PCDHA5: variants seen among roughly 807,000 people sequenced by gnomAD.
The protein encoded by PCDHA5 is protocadherin alpha-5.
A neutral mutation model predicts 61.6 loss-of-function variants in PCDHA5; 43 were observed. The observed-to-expected ratio is 0.70, with a 90% CI of 0.55 to 0.90. The LOEUF (loss-of-function observed/expected upper bound fraction) is 0.90. Among genes scored for constraint, PCDHA5 ranks in the 40% least tolerant of loss-of-function variants. The pLI, the probability that PCDHA5 is intolerant of heterozygous loss-of-function variation, is 0.00. For synonymous variants in PCDHA5, 627 were observed against 543.9 expected (o/e 1.15, Z -2.13); for missense variants, 1,298 against 1,222.7 (o/e 1.06, Z -0.92).
intron 1 of PCDHA5, chr5:140,851,395 A>G: frequency 1.0e-6 from 1 of 973,138 alleles, no homozygotes; most frequent in Non-Finnish European, 1.2e-6. Context: ...AGTATCTATT[A>G]TTTTAATAAG....
Position 140,822,039 on chromosome 5 carries a change from G to C in PCDHA5, c.264G>C (p.Arg88=), listed in dbSNP as rs2150113101. ...ATGGCATTTTGTTTGTGAATTCTCGGATCGACCGGGAGGAGCTGTGCCGGC... is the reference window on the plus strand; with the variant it reads ...ATGGCATTTTGTTTGTGAATTCTCGCATCGACCGGGAGGAGCTGTGCCGGC... ...LQNGILFVNS[R]IDREELCRRR... Residue 88 remains arginine, a synonymous_variant, in exon 1 of 4, where the codon CGG becomes CGC. Transcript: ENST00000529859. The C allele has an allele frequency of 1.2e-6, 2 of 1,614,106 alleles. No individual in the cohort carries two copies. The highest frequency in any genetic ancestry group is 2.7e-5 in the African/African-American group (2 of 74,948).
chr5:140,850,443 C>T, intron 1 of PCDHA5: 4 of 1,597,988 alleles, frequency 2.5e-6, no homozygotes, highest in Non-Finnish European at 3.4e-6. Flanking sequence ...CCTACTGGTG[C>T]TGGTGAAAGA....
intron 1 of PCDHA5, chr5:140,881,460 G>T: frequency 1.6e-6 from 1 of 637,280 alleles, no homozygotes; most frequent in Non-Finnish European, 2.0e-6. Flanking sequence ...AAACCTTAGA[G>T]CATTGTTGTG....
chr5:140,900,768 T>A (rs1554189412), intron 1 of PCDHA5, among the ~76,000 whole-genome samples: 2 of 152,192 alleles, frequency 1.3e-5, no homozygotes, highest in Non-Finnish European at 1.5e-5. Context: ...TATTTTTGGC[T>A]TTTTGAGGAA....
At chr5:140,865,173 T>C (rs1230117656) in intron 1 of PCDHA5, 1 of 152,234 alleles carries the variant, frequency 6.6e-6, no homozygotes, top group African/African-American at 2.4e-5. Context: ...TGATGCAAAA[T>C]ATTTTTTGCC....
At position 140,822,375 on chromosome 5, in the gene PCDHA5, T is replaced by C; in HGVS notation, c.600T>C (p.Asp200=). 1.2e-6 allele frequency: 2 copies of C among 1,614,082 alleles called. No individual in the cohort carries two copies. The highest frequency in any genetic ancestry group is 1.7e-6 in the Non-Finnish European group (2 of 1,180,006). ...AGCTGGTTTTGAGGAAATCCTTAGA[T>C]AGAGAAGAAACACAAGAACACCGTT... is the stretch of plus-strand genomic sequence containing the variant. ...FLELVLRKSL[D]REETQEHRLL... Residue 200 remains aspartate, a synonymous_variant, in exon 1 of 4, where the codon GAT becomes GAC. Coordinates refer to ENST00000529859, the MANE Select transcript of PCDHA5 (RefSeq NM_018908.3).
chr5:140,966,886 G>T, intron 1 of PCDHA5: 1 of 1,592,132 alleles, frequency 6.3e-7, no homozygotes. Context: ...CTGGCCCTGC[G>T]GCCTCCCAGC....
At chr5:140,877,010 A>T (rs1177640704) in intron 1 of PCDHA5, 2 of 1,612,296 alleles carry the variant, frequency 1.2e-6, no homozygotes, top group African/African-American at 2.7e-5. Context: ...GTGCACGCGG[A>T]GAGCGGCAAG....
At chr5:140,951,403 G>A (rs62384504) in intron 1 of PCDHA5, among the ~76,000 whole-genome samples, 5,903 of 152,130 alleles carry the variant, frequency 0.039, 173 homozygotes, top group Non-Finnish European at 0.058. Flanking sequence ...AAGAAAAGAG[G>A]TTTAATTGGC....
intron 1 of PCDHA5, chr5:140,855,848 A>G: frequency 1.5e-6 from 1 of 662,286 alleles, no homozygotes; most frequent in South Asian, 2.3e-5. Context: ...ACCTAAAGCC[A>G]CCGGATGTCG....
At chr5:140,980,553 C>G (rs1554241953) in intron 2 of PCDHA5, among the ~76,000 whole-genome samples, 1 of 152,062 alleles carries the variant, frequency 6.6e-6, no homozygotes, top group Admixed American at 6.6e-5. Context: ...TCGCTTGAAC[C>G]CGGGAGGCGG....
At chr5:141,008,426 C>T (rs2098375902) in intron 3 of PCDHA5, among the ~76,000 whole-genome samples, 1 of 152,170 alleles carries the variant, frequency 6.6e-6, no homozygotes, top group Non-Finnish European at 1.5e-5. Flanking sequence ...ACTGGGATCA[C>T]TTTGCCCAGA....
rs1382247797 is a variant in PCDHA5 at position 141,012,282 on chromosome 5, C to T, written c.*2345C>T. 2.6e-5 allele frequency: 4 copies of T among 153,718 alleles called. No individual in the cohort carries two copies. Among genetic ancestry groups the T allele is most frequent in the Non-Finnish European group, 4.4e-5 (3 of 68,036 alleles). 9.5% of individuals were successfully genotyped at this position (153,718 alleles called of 1,614,324 possible). Reference sequence around the variant, plus strand: ...AAGGATAAAACACGTCATGTGGATTCATTTTGAATTGGTGCTATTGGTATT... The same window carrying T: ...AAGGATAAAACACGTCATGTGGATTTATTTTGAATTGGTGCTATTGGTATT... On this transcript the variant is annotated 3_prime_UTR_variant, in exon 4 of 4. Coordinates refer to ENST00000529859, the MANE Select transcript of PCDHA5 (RefSeq NM_018908.3).
intron 1 of PCDHA5, chr5:140,834,432 T>A (rs2150217756): frequency 6.2e-7 from 1 of 1,613,886 alleles, no homozygotes; most frequent in South Asian, 1.1e-5. Context: ...TCTACTGCTG[T>A]TTATTATAAT....
intron 1 of PCDHA5, among the ~76,000 whole-genome samples, chr5:140,936,386 A>C (rs1321919652): frequency 6.6e-6 from 1 of 152,190 alleles, no homozygotes; most frequent in African/African-American, 2.4e-5. Context: ...GTGGCTAGTG[A>C]AACTGGGCTA....
At chr5:140,843,758 A>T (rs2150366226) in intron 1 of PCDHA5, 1 of 1,503,376 alleles carries the variant, frequency 6.7e-7, no homozygotes, top group East Asian at 2.3e-5. Flanking sequence ...CTATTTGTGG[A>T]AATTGTAGTT....
At chr5:140,874,202 T>C (rs11741879) in intron 1 of PCDHA5, among the ~76,000 whole-genome samples, 12,321 of 152,316 alleles carry the variant, frequency 0.081, 541 homozygotes, top group Middle Eastern at 0.13. Context: ...TTCAGTTGCC[T>C]TTATTATTAT....
At chr5:140,829,818 C>A (rs1554132278) in intron 1 of PCDHA5, 1 of 1,613,864 alleles carries the variant, frequency 6.2e-7, no homozygotes, top group Non-Finnish European at 8.5e-7. Context: ...ACTGGTGGTG[C>A]AGTGAGCGAG....
intron 1 of PCDHA5, chr5:140,928,422 A>T (rs782264875): frequency 1.2e-6 from 2 of 1,614,136 alleles, no homozygotes; most frequent in Admixed American, 3.3e-5. Context: ...TCACTGCCAA[A>T]ACTTCCTTTG....
Sources: allele counts gnomAD v4.1 joint callset (sites outside exome capture counted in the v4.1 genomes callset), GRCh38; gene constraint gnomAD v4.1.1; transcripts MANE v1.5; gene names NCBI Gene and HGNC (gene_info 2026-07-23, HGNC 2026-07-21).